Variants in PDSS2 observed in about 807,000 individuals in gnomAD.
PDSS2 encodes the protein all trans-polyprenyl-diphosphate synthase PDSS2.
In PDSS2, 31 loss-of-function variants were observed where a neutral mutation model predicts 44.5. That is an observed-to-expected ratio of 0.70 (90% CI 0.52 to 0.94). The LOEUF is 0.94. PDSS2 is among the 40% of genes least tolerant of loss of function. The probability of loss-of-function intolerance (pLI) is 0.00; values close to 1 mark genes in which losing one functional copy is unlikely to be tolerated. For missense variants in PDSS2, 452 were observed against 482.2 expected, an observed-to-expected ratio of 0.94 and a Z score of 0.59; for synonymous variants, 157 against 180.3, an observed-to-expected ratio of 0.87 and a Z score of 1.03.
At chr6:107,266,629 G>A (rs2114909522) in intron 3 of PDSS2, among the ~76,000 whole-genome samples, 1 of 152,328 alleles carries the variant, frequency 6.6e-6, no homozygotes, top group Admixed American at 6.5e-5. Flanking sequence ...AGACCATGAA[G>A]TTATGAGGCT....
chr6:107,427,435 C>T (rs1781040633), intron 1 of PDSS2, among the ~76,000 whole-genome samples: 1 of 151,994 alleles, frequency 6.6e-6, no homozygotes, highest in African/African-American at 2.4e-5. Context: ...AGTCTTGTCC[C>T]TGATACTTCC....
chr6:107,210,623 G>A, intron 5 of PDSS2, 53 bp from the exon 6 acceptor site: 1 of 1,199,670 alleles, frequency 8.3e-7, no homozygotes, highest in South Asian at 1.2e-5. Flanking sequence ...ACACTAGTAT[G>A]TTTTAGTTAT....
chr6:107,424,450 G>A (rs903016825), intron 1 of PDSS2, among the ~76,000 whole-genome samples: 1 of 152,118 alleles, frequency 6.6e-6, no homozygotes, highest in African/African-American at 2.4e-5. Context: ...TTAATACACA[G>A]TAGTGAGTCA....
intron 1 of PDSS2, among the ~76,000 whole-genome samples, chr6:107,426,155 C>G (rs1780996205): frequency 6.6e-6 from 1 of 152,072 alleles, no homozygotes; most frequent in Admixed American, 6.6e-5. Flanking sequence ...TTTTATGGAC[C>G]AGGCCCAGGG....
At chr6:107,306,318 T>A (rs1776858450) in intron 2 of PDSS2, among the ~76,000 whole-genome samples, 1 of 152,128 alleles carries the variant, frequency 6.6e-6, no homozygotes, top group Non-Finnish European at 1.5e-5. Context: ...ATAAGTCTCA[T>A]GAGATCTGAT....
chr6:107,429,676 G>A (rs1781109358), intron 1 of PDSS2, among the ~76,000 whole-genome samples: 1 of 151,462 alleles, frequency 6.6e-6, no homozygotes, highest in Non-Finnish European at 1.5e-5. Context: ...TCTGAGGTCG[G>A]GAGTTTGAGA....
At chr6:107,429,901 A>ATATATATATATAT (rs1554280467) in intron 1 of PDSS2, among the ~76,000 whole-genome samples, 1 of 31,838 alleles carries the variant, frequency 3.1e-5, no homozygotes, top group Non-Finnish European at 5.3e-5. Context: ...AAAAAAAAAA[A>ATATATATATATAT]ATATATATAT....
chr6:107,176,846 T>C (rs184034209), intron 7 of PDSS2, among the ~76,000 whole-genome samples: 4 of 152,268 alleles, frequency 2.6e-5, no homozygotes, highest in Admixed American at 6.5e-5. Context: ...TATTTATATA[T>C]AGTTTAAATA....
intron 2 of PDSS2, among the ~76,000 whole-genome samples, chr6:107,315,128 C>A (rs1777161867): frequency 6.6e-6 from 1 of 152,034 alleles, no homozygotes; most frequent in African/African-American, 2.4e-5. Flanking sequence ...TACTTATTTT[C>A]TTAAAAGGAT....
intron 1 of PDSS2, among the ~76,000 whole-genome samples, chr6:107,334,681 T>C (rs1400696933): frequency 6.7e-6 from 1 of 148,268 alleles, no homozygotes; most frequent in African/African-American, 2.5e-5. Context: ...GCTGGAACTT[T>C]AGGTATGCAC....
intron 1 of PDSS2, among the ~76,000 whole-genome samples, chr6:107,406,814 A>G (rs1780335115): frequency 2.0e-5 from 3 of 152,246 alleles, no homozygotes; most frequent in Non-Finnish European, 4.4e-5. Context: ...AAAGTTAAGC[A>G]GGTGAAGTGG....
intron 1 of PDSS2, among the ~76,000 whole-genome samples, chr6:107,336,889 T>C (rs889550623): frequency 1.6e-5 from 2 of 123,496 alleles, no homozygotes; most frequent in Admixed American, 9.3e-5. Flanking sequence ...TGTTCGGGGC[T>C]GGGCCTGGTC....
Position 107,153,790 on chromosome 6 carries a change from A to G in PDSS2, c.*829T>C, listed in dbSNP as rs17067991. On this transcript the variant is annotated 3_prime_UTR_variant, in exon 8 of 8. Transcript: ENST00000369037. ...CATACTGCATTATAAATCCAGAGACATGAGGCCAGGTGCAGTGGCTCAAGC... is the reference window on the plus strand; with the variant it reads ...CATACTGCATTATAAATCCAGAGACGTGAGGCCAGGTGCAGTGGCTCAAGC... 4,201 of 152,468 alleles carry G rather than the reference A, an allele frequency of 0.028. 146 individuals are homozygous for G. The highest frequency in any genetic ancestry group is 0.16 in the East Asian group (820 of 5,164). The allele number at this position is 152,468 out of a possible 1,614,324, so 9.4% of individuals were successfully genotyped here.
chr6:107,256,386 T>C (rs1454847444), intron 3 of PDSS2, among the ~76,000 whole-genome samples: 2 of 152,172 alleles, frequency 1.3e-5, no homozygotes, highest in East Asian at 3.9e-4. Context: ...TTCCTAGGAG[T>C]CACAGATACA....
chr6:107,383,517 GA>G (rs1779517553), intron 1 of PDSS2, among the ~76,000 whole-genome samples: 1 of 151,768 alleles, frequency 6.6e-6, no homozygotes, highest in South Asian at 2.1e-4. Flanking sequence ...TCAAGAAGGT[GA>G]AAAAAACCAC....
At chr6:107,280,810 G>A (rs1219569591) in intron 2 of PDSS2, among the ~76,000 whole-genome samples, 2 of 152,166 alleles carry the variant, frequency 1.3e-5, no homozygotes, top group South Asian at 4.1e-4. Flanking sequence ...GCAGACAAGG[G>A]AGATAAAAGA....
At chr6:107,323,640 T>C (rs939937328) in intron 2 of PDSS2, among the ~76,000 whole-genome samples, 2 of 152,170 alleles carry the variant, frequency 1.3e-5, no homozygotes, top group Non-Finnish European at 2.9e-5. Flanking sequence ...AGGATCACCA[T>C]TAAGTCATGA....
At chr6:107,289,894 C>T (rs999619365) in intron 2 of PDSS2, among the ~76,000 whole-genome samples, 2 of 152,144 alleles carry the variant, frequency 1.3e-5, no homozygotes, top group Non-Finnish European at 2.9e-5. Flanking sequence ...AATCCTCCCG[C>T]CTCAGCCTCC....
chr6:107,325,545 CTTTT>C (rs796757464), intron 2 of PDSS2, among the ~76,000 whole-genome samples: 1 of 151,970 alleles, frequency 6.6e-6, no homozygotes, highest in South Asian at 2.1e-4. Context: ...TTCATTCCTG[CTTTT>C]TTTAACAAAA....
Sources: allele counts gnomAD v4.1 joint callset (sites outside exome capture counted in the v4.1 genomes callset), GRCh38; gene constraint gnomAD v4.1.1; transcripts MANE v1.5; gene names NCBI Gene and HGNC (gene_info 2026-07-23, HGNC 2026-07-21).